NPIPB15: variants seen among roughly 807,000 people sequenced by gnomAD.
The protein encoded by NPIPB15 is nuclear pore complex interacting protein family member B15.
NPIPB15 carries 5 observed loss-of-function variants against 35.9 expected under a neutral mutation model. The observed-to-expected ratio is 0.14, with a 90% CI of 0.07 to 0.29. The LOEUF is 0.29. Among genes scored for constraint, NPIPB15 ranks in the 10% least tolerant of loss-of-function variants. NPIPB15 has a pLI of 1.00. For synonymous variants in NPIPB15, 43 were observed against 182.0 expected (o/e 0.24, Z 6.15); for missense variants, 100 against 506.1 (o/e 0.20, Z 7.70).
In NPIPB15 at chr16:74,381,674, T is replaced by G. The variant is rs1378100403; in HGVS notation, c.225T>G (p.Ile75Met). The G allele has an allele frequency of 6.3e-7, 1 of 1,593,434 alleles. No individual in the cohort carries two copies. Among genetic ancestry groups the G allele is most frequent in the Non-Finnish European group, 8.5e-7 (1 of 1,176,734 alleles). The change falls in exon 3 of 8, where the codon ATT (isoleucine) becomes ATG (methionine). Residue 75 changes from isoleucine to methionine, a missense_variant. Ile to Met is a conservative substitution (Grantham distance 10). Transcript: ENST00000692376. ...IGFLRRDTFT[I>M]LFCTSYLCVS... ...TTCTGAGACGTGACACATTTACCATTCTCTTCTGCACAAGTTACCTTTGTG... is the reference window on the plus strand; with the variant it reads ...TTCTGAGACGTGACACATTTACCATGCTCTTCTGCACAAGTTACCTTTGTG...
chr16:74,389,368 T>C (rs1371876045), intron 5 of NPIPB15, among the ~76,000 whole-genome samples: 1 of 140,868 alleles, frequency 7.1e-6, no homozygotes, highest in Non-Finnish European at 1.5e-5. Flanking sequence ...GTACAGTTTT[T>C]TTGTTTTTGT....
At chr16:74,378,796 T>TTTTATTTA (rs1336311717) in intron 2 of NPIPB15, among the ~76,000 whole-genome samples, 1 of 151,316 alleles carries the variant, frequency 6.6e-6, no homozygotes, top group African/African-American at 2.4e-5. Context: ...ATCTACATTA[T>TTTTATTTA]TTTATTTATT....
chr16:74,379,682 T>C (rs372449741), intron 2 of NPIPB15, among the ~76,000 whole-genome samples: 2 of 151,522 alleles, frequency 1.3e-5, no homozygotes, highest in Admixed American at 6.6e-5. Flanking sequence ...CTCTGCCTCC[T>C]GGGTTCAAGT....
rs1377557301 is a variant in NPIPB15 at position 74,376,930 on chromosome 16, T to C, written c.-439T>C. Among the ~76,000 whole-genome samples, 1 of 146,900 alleles carries C rather than the reference T, an allele frequency of 6.8e-6. No homozygotes were observed. The highest frequency in any genetic ancestry group is 1.5e-5 in the Non-Finnish European group (1 of 67,002). On this transcript the variant is annotated 5_prime_UTR_variant, in exon 1 of 8. Transcript: ENST00000692376. The stretch of plus-strand genomic sequence containing the variant: ...TAATCATTGACTTCTAGCACAGTTA[T>C]ATGATCAGAAACATGCTGTGTGATT...
Position 74,391,461 on chromosome 16 carries a change from C to G in NPIPB15, c.713C>G (p.Ala238Gly), listed in dbSNP as rs763840329. The change falls in exon 8 of 8, where the codon GCT (alanine) becomes GGT (glycine). Residue 238 changes from alanine to glycine, a missense_variant. Ala to Gly is a moderately conservative substitution (Grantham distance 60). Transcript: ENST00000692376. ...TGCTGGCCCTACCTCACAGCTGAAG[C>G]TTTAAAAAACAGGATGGGCCGCCAG... ...LPCWPYLTAE[A>G]LKNRMGRQPP... 6.2e-7 allele frequency: 1 copy of G among 1,612,768 alleles called. No homozygotes were observed. Among genetic ancestry groups the G allele is most frequent in the South Asian group, 1.1e-5 (1 of 91,048 alleles).
chr16:74,386,321 T>A (rs2012279212), intron 5 of NPIPB15, among the ~76,000 whole-genome samples: 1 of 134,152 alleles, frequency 7.5e-6, no homozygotes. Flanking sequence ...TGAGATAGAA[T>A]CTCGCTCTGT....
chr16:74,391,736 T>G lies in NPIPB15; in HGVS notation c.988T>G (p.Ser330Ala), dbSNP rs1360030355. 7.5e-7 allele frequency: 1 copy of G among 1,335,550 alleles called. No individual in the cohort carries two copies. The highest frequency in any genetic ancestry group is 1.0e-6 in the Non-Finnish European group (1 of 989,536). 82.7% of individuals were successfully genotyped at this position (1,335,550 alleles called of 1,614,324 possible). A position where few individuals can be genotyped will look rare whatever the true frequency, so the allele number is the denominator to read the frequency against. The change falls in exon 8 of 8, where the codon TCT (serine) becomes GCT (alanine). Residue 330 changes from serine (S) to alanine (A), a missense_variant. Physicochemically the swap from Ser to Ala is moderately conservative, Grantham distance 99. Transcript: ENST00000692376. ...KDCLFVPLPP[S>A]PLPPSVDDNL... ...CTGTCTCTTTGTCCCTCTTCCACCC[T>G]CTCCTCTTCCACCCTCAGTGGATGA...
intron 5 of NPIPB15, among the ~76,000 whole-genome samples, chr16:74,387,139 C>T (rs1438988234): frequency 1.3e-5 from 2 of 152,026 alleles, no homozygotes; most frequent in African/African-American, 4.8e-5. Context: ...AGGCTCAGTC[C>T]CTAGAAAGGC....
intron 5 of NPIPB15, chr16:74,388,919 A>C: frequency 8.7e-6 from 8 of 922,756 alleles, no homozygotes; most frequent in Non-Finnish European, 1.0e-5. Context: ...ATAGAAACAA[A>C]TGGTCAGAAG....
chr16:74,378,373 G>T (rs1390214492), intron 2 of NPIPB15, among the ~76,000 whole-genome samples: 1 of 145,902 alleles, frequency 6.9e-6, no homozygotes, highest in African/African-American at 2.6e-5. Context: ...AAACAAAATG[G>T]ACCAAAACAA....
intron 2 of NPIPB15, among the ~76,000 whole-genome samples, chr16:74,378,370 AT>A (rs1194659583): frequency 1.4e-5 from 2 of 146,406 alleles, no homozygotes; most frequent in Non-Finnish European, 3.0e-5. Flanking sequence ...AACAAACAAA[AT>A]GGACCAAAAC....
intron 2 of NPIPB15, among the ~76,000 whole-genome samples, chr16:74,380,773 G>C (rs1378956266): frequency 6.6e-6 from 1 of 150,930 alleles, no homozygotes; most frequent in African/African-American, 2.4e-5. Context: ...GCAGTGAGCC[G>C]AGAGCACGCC....
In NPIPB15 at chr16:74,378,606, G is replaced by A. The variant is rs528975227; in HGVS notation, c.66+567G>A. Among the ~76,000 whole-genome samples the A allele has an allele frequency of 4.5e-3, 667 of 149,162 alleles. 2 individuals carry two copies. Among genetic ancestry groups the A allele is most frequent in the Middle Eastern group, 0.024 (7 of 290 alleles). On this transcript the variant is annotated intron_variant, in intron 2 of 7. Transcript: ENST00000692376. Reference sequence around the variant, plus strand: ...TTTTTGTATTTTTAGTAGAGACGGGGTTTTACCATGTTCGCCAGGATAGTC... The same window carrying A: ...TTTTTGTATTTTTAGTAGAGACGGGATTTTACCATGTTCGCCAGGATAGTC...
At chr16:74,391,013 A>C (rs1343202772) in intron 7 of NPIPB15, 2 of 683,544 alleles carry the variant, frequency 2.9e-6, no homozygotes, top group Non-Finnish European at 3.6e-6. Context: ...CTGGTGCAAG[A>C]AACATGCTCT....
chr16:74,391,909 G>C lies in NPIPB15; in HGVS notation c.1161G>C (p.Lys387Asn). Reference protein sequence around the residue: ...ADEVEQSPKPKRQREAEAQQL... With the variant: ...ADEVEQSPKPNRQREAEAQQL... ...AGGTGGAACAATCGCCCAAGCCCAA[G>C]AGGCAGAGGGAGGCCGAGGCACAAC... Residue 387 changes from lysine (K) to asparagine (N), a missense_variant, in exon 8 of 8, where the codon AAG (lysine) becomes AAC (asparagine). Lys to Asn is a moderately conservative substitution (Grantham distance 94). Transcript: ENST00000692376. 1.9e-6 allele frequency: 3 copies of C among 1,569,588 alleles called. No homozygotes were observed. The South Asian group carries it at 3.5e-5, about 18-fold the overall frequency.
rs1049108383 is a variant in NPIPB15, at chr16:74,381,602, C to G, written c.153C>G (p.Thr51=). The G allele has an allele frequency of 4.1e-5, 65 of 1,570,004 alleles. No homozygotes were observed. The highest frequency in any genetic ancestry group is 5.3e-5 in the Non-Finnish European group (62 of 1,163,668). The change falls in exon 3 of 8, where the codon ACC becomes ACG. Residue 51 remains threonine, a synonymous_variant. Coordinates refer to ENST00000692376, the MANE Select transcript of NPIPB15 (RefSeq NM_001306094.2). ...VRDHPGQHGK[T]PSPQKLDNLI... ...ACCACCCTGGCCAACATGGCAAAAC[C>G]CCATCTCCACAAAAATTGGATAATT... is the stretch of plus-strand genomic sequence containing the variant.
Position 74,376,556 on chromosome 16 carries a change from T to C in NPIPB15, c.-813T>C, listed in dbSNP as rs1280717803. ...TTGTTTCTTGAAATGCACAGATTCC[T>C]TGGACGTCCCTGAGAGGTCAATGAT... is the stretch of plus-strand genomic sequence containing the variant. On this transcript the variant is annotated 5_prime_UTR_variant, in exon 1 of 8. Coordinates refer to ENST00000692376, the MANE Select transcript of NPIPB15 (RefSeq NM_001306094.2). Among the ~76,000 whole-genome samples, 5 of 151,322 alleles carry C rather than the reference T, an allele frequency of 3.3e-5. No individual in the cohort carries two copies. The highest frequency in any genetic ancestry group is 5.9e-5 in the Non-Finnish European group (4 of 67,932).
intron 5 of NPIPB15, among the ~76,000 whole-genome samples, chr16:74,389,116 T>C (rs1212715828): frequency 2.1e-5 from 3 of 144,860 alleles, no homozygotes; most frequent in Non-Finnish European, 3.0e-5. Flanking sequence ...TAGGAAAGTG[T>C]GTTGTTGTAG....
At chr16:74,378,925 C>T (rs377585560) in intron 2 of NPIPB15, among the ~76,000 whole-genome samples, 1 of 151,972 alleles carries the variant, frequency 6.6e-6, no homozygotes, top group Non-Finnish European at 1.5e-5. Flanking sequence ...CTCAGCCTCC[C>T]GAGTGGCTGG....
Sources: gnomAD v4.1 joint callset for allele counts (sites outside exome capture counted in the v4.1 genomes callset) on GRCh38, gnomAD v4.1.1 for gene constraint, MANE v1.5 for transcripts, NCBI Gene and HGNC (gene_info 2026-07-23, HGNC 2026-07-21) for gene names.